The following XKR6 variants were observed in gnomAD, a reference collection of about 807,000 sequenced individuals.
The protein encoded by XKR6 is XK related 6.
A neutral mutation model predicts 56.7 loss-of-function variants in XKR6; 22 were observed. The observed-to-expected ratio is 0.39, with a 90% CI of 0.28 to 0.55. XKR6 has a LOEUF of 0.55. Among genes scored for constraint, XKR6 ranks in the 20% least tolerant of loss-of-function variants. The pLI is 0.66. For missense variants in XKR6, 852 were observed against 889.0 expected, an observed-to-expected ratio of 0.96 and a Z score of 0.53; for synonymous variants, 524 against 387.8, an observed-to-expected ratio of 1.35 and a Z score of -4.13.
chr8:10,973,074 C>G (rs1200161550), intron 1 of XKR6, among the ~76,000 whole-genome samples: 1 of 152,084 alleles, frequency 6.6e-6, no homozygotes, highest in Non-Finnish European at 1.5e-5. Context: ...TTAGCCTCTT[C>G]AAGAGTGGAG....
chr8:11,133,162 C>T (rs10101329), intron 1 of XKR6, among the ~76,000 whole-genome samples: 54,192 of 151,906 alleles, frequency 0.36, 10,474 homozygotes, highest in African/African-American at 0.43. Context: ...GAAACCTAAA[C>T]GCACATTTAT....
At chr8:10,925,378 C>G (rs2129117474) in intron 1 of XKR6, among the ~76,000 whole-genome samples, 2 of 152,322 alleles carry the variant, frequency 1.3e-5, no homozygotes, top group South Asian at 4.1e-4. Flanking sequence ...AGCGTGGGCT[C>G]AGAAAGGTCA....
At chr8:10,951,975 G>C (rs1222977827) in intron 1 of XKR6, among the ~76,000 whole-genome samples, 3 of 152,132 alleles carry the variant, frequency 2.0e-5, no homozygotes, top group Non-Finnish European at 4.4e-5. Context: ...CCTCTAGCTG[G>C]CTGAGAAAAA....
At chr8:10,984,191 G>T (rs1441171650) in intron 1 of XKR6, among the ~76,000 whole-genome samples, 1 of 152,132 alleles carries the variant, frequency 6.6e-6, no homozygotes, top group African/African-American at 2.4e-5. Context: ...CATATTAATA[G>T]ATCAAAAGGG....
chr8:10,996,538 T>A (rs1405216339), intron 1 of XKR6, among the ~76,000 whole-genome samples: 1 of 152,234 alleles, frequency 6.6e-6, no homozygotes, highest in Non-Finnish European at 1.5e-5. Context: ...GCAATTTTCC[T>A]CTTTGAAGAA....
intron 1 of XKR6, among the ~76,000 whole-genome samples, chr8:11,144,936 A>G (rs1055364849): frequency 2.0e-5 from 3 of 147,628 alleles, no homozygotes; most frequent in Non-Finnish European, 4.5e-5. Flanking sequence ...AAGGGAGAGA[A>G]GCGAGGAAAG....
chr8:11,129,938 G>C (rs1387114643), intron 1 of XKR6, among the ~76,000 whole-genome samples: 1 of 152,088 alleles, frequency 6.6e-6, no homozygotes, highest in Non-Finnish European at 1.5e-5. Flanking sequence ...CGCTATCTGA[G>C]GTACAAAGCT....
At chr8:10,980,951 G>A (rs11779675) in intron 1 of XKR6, among the ~76,000 whole-genome samples, 42,294 of 152,014 alleles carry the variant, frequency 0.28, 6,564 homozygotes, top group Non-Finnish European at 0.36. Flanking sequence ...ACTGGAGGTG[G>A]CAGCAGAACT....
intron 1 of XKR6, among the ~76,000 whole-genome samples, chr8:11,121,359 C>T (rs1415205845): frequency 6.6e-6 from 1 of 152,102 alleles, no homozygotes; most frequent in African/African-American, 2.4e-5. Context: ...CAAACAACCC[C>T]ATCAAAAAGT....
intron 1 of XKR6, among the ~76,000 whole-genome samples, chr8:11,121,562 C>T (rs571177552): frequency 1.5e-4 from 23 of 152,234 alleles, no homozygotes; most frequent in Admixed American, 5.2e-4. Flanking sequence ...TGTGGAGAAA[C>T]AGGAACACTT....
intron 1 of XKR6, among the ~76,000 whole-genome samples, chr8:10,928,797 G>A (rs969024655): frequency 6.6e-6 from 1 of 152,184 alleles, no homozygotes. Context: ...CACCTTCCAG[G>A]CGGGTTCCAG....
chr8:11,158,732 C>T (rs1801646411), intron 1 of XKR6, among the ~76,000 whole-genome samples: 1 of 152,166 alleles, frequency 6.6e-6, no homozygotes, highest in Non-Finnish European at 1.5e-5. Context: ...GAATGGCAGG[C>T]TTCTAAATGC....
chr8:10,912,189 T>C (rs2129111049), intron 2 of XKR6, among the ~76,000 whole-genome samples: 1 of 146,966 alleles, frequency 6.8e-6, no homozygotes, highest in Admixed American at 6.9e-5. Context: ...TGTGTATATA[T>C]AGAGTGGGAT....
intron 1 of XKR6, among the ~76,000 whole-genome samples, chr8:11,192,607 T>A (rs1242628950): frequency 1.3e-5 from 2 of 152,054 alleles, no homozygotes. Context: ...AGAGTGAGAA[T>A]CTGTTTCTTT....
At chr8:11,033,504 G>C (rs926071528) in intron 1 of XKR6, among the ~76,000 whole-genome samples, 3 of 152,164 alleles carry the variant, frequency 2.0e-5, no homozygotes, top group Middle Eastern at 3.4e-3. Context: ...CTATGGTAAT[G>C]ATGATGATGA....
chr8:11,092,890 C>A (rs1798123053), intron 1 of XKR6, among the ~76,000 whole-genome samples: 1 of 152,208 alleles, frequency 6.6e-6, no homozygotes, highest in South Asian at 2.1e-4. Flanking sequence ...TTACAGCAGG[C>A]CATGAGGGCC....
intron 1 of XKR6, among the ~76,000 whole-genome samples, chr8:11,120,560 T>C (rs1350779754): frequency 6.6e-6 from 1 of 152,080 alleles, no homozygotes; most frequent in Non-Finnish European, 1.5e-5. Context: ...TGGAAGAACA[T>C]TCCATGCTCA....
intron 1 of XKR6, among the ~76,000 whole-genome samples, chr8:10,986,274 T>C (rs1473348108): frequency 6.6e-6 from 1 of 152,214 alleles, no homozygotes; most frequent in Non-Finnish European, 1.5e-5. Context: ...GTATTCTAAA[T>C]AAATTTCAGA....
intron 1 of XKR6, among the ~76,000 whole-genome samples, chr8:11,007,528 C>T (rs960247743): frequency 2.6e-5 from 4 of 152,198 alleles, no homozygotes; most frequent in African/African-American, 9.7e-5. Context: ...CGTTTCCATT[C>T]ATCTCTCCTC....
Sources: gnomAD v4.1 joint callset for allele counts (sites outside exome capture counted in the v4.1 genomes callset) on GRCh38, gnomAD v4.1.1 for gene constraint, MANE v1.5 for transcripts, NCBI Gene and HGNC (gene_info 2026-07-23, HGNC 2026-07-21) for gene names.